ST6GALNAC2: variants seen among roughly 807,000 people sequenced by gnomAD.
ST6GALNAC2 encodes ST6 N-acetylgalactosaminide alpha-2,6-sialyltransferase 2, also known as alpha-N-acetylgalactosaminide alpha-2,6-sialyltransferase 2.
A neutral mutation model predicts 38.7 loss-of-function variants in ST6GALNAC2; 42 were observed. The observed-to-expected ratio is 1.09, with a 90% CI of 0.85 to 1.40. The LOEUF (loss-of-function observed/expected upper bound fraction) is 1.40, where lower values mean the gene tolerates loss of function less well. ST6GALNAC2 is among the 40% of genes most tolerant of loss of function. ST6GALNAC2 has a pLI of 0.00. For missense variants in ST6GALNAC2, 506 were observed against 481.7 expected, an observed-to-expected ratio of 1.05 and a Z score of -0.47; for synonymous variants, 233 against 209.0, an observed-to-expected ratio of 1.11 and a Z score of -0.99.
intron 1 of ST6GALNAC2, 73 bp downstream of exon 1, chr17:76,585,611 G>A: frequency 7.0e-7 from 1 of 1,422,662 alleles, no homozygotes; most frequent in Non-Finnish European, 9.1e-7. Flanking sequence ...CCGCCGGGGA[G>A]CCCTGGGCTG....
Position 76,585,853 on chromosome 17 carries a change from G to A in ST6GALNAC2, c.-45C>T. On this transcript the variant is annotated 5_prime_UTR_variant, in exon 1 of 9. Coordinates refer to ENST00000225276, the MANE Select transcript of ST6GALNAC2 (RefSeq NM_006456.3). The stretch of plus-strand genomic sequence containing the variant: ...GCCCCGTCCGCTGACGTCCCAGGCA[G>A]AAGGGAGAGAACCGGGTGGGCCGGG... The A allele has an allele frequency of 6.6e-7, 1 of 1,506,756 alleles. No homozygotes were observed. The highest frequency in any genetic ancestry group is 8.8e-7 in the Non-Finnish European group (1 of 1,130,844). The allele number at this position is 1,506,756 out of a possible 1,614,324, so 93.3% of individuals were successfully genotyped here. A position where few individuals can be genotyped will look rare whatever the true frequency, so the allele number is the denominator to read the frequency against.
intron 1 of ST6GALNAC2, chr17:76,581,142 G>A (rs9890158): frequency 0.75 from 114,395 of 152,086 alleles, 43,326 homozygotes; most frequent in East Asian, 0.84. Context: ...CCTCCCTTTG[G>A]TTTCCAGGTT....
chr17:76,578,880 G>T, intron 1 of ST6GALNAC2, 64 bp from the exon 2 acceptor site: 7 of 1,466,390 alleles, frequency 4.8e-6, no homozygotes, highest in South Asian at 2.4e-5. Flanking sequence ...GAAGCTTTTG[G>T]ACTGACCGAC....
chr17:76,572,744 G>A lies in ST6GALNAC2; in HGVS notation c.562C>T (p.Arg188Cys), dbSNP rs1436388081. Residue 188 changes from arginine (R) to cysteine (C), a missense_variant, in exon 5 of 9, where the codon CGC (arginine) becomes TGC (cysteine). Coordinates refer to ENST00000225276, the MANE Select transcript of ST6GALNAC2 (RefSeq NM_006456.3). ...LNGAVIKGFE[R>C]DVGTKTSFYG... ...AAGGAAGTCTTGGTGCCCACATCGC[G>A]CTCGAAGCCTTTGATCACAGCTCCA... 13 of 1,614,140 alleles carry A rather than the reference G, an allele frequency of 8.1e-6. No homozygotes were observed. The highest frequency in any genetic ancestry group is 6.7e-5 in the East Asian group (3 of 44,886).
At chr17:76,585,451 G>A (rs1055251576) in intron 1 of ST6GALNAC2, among the ~76,000 whole-genome samples, 1 of 152,248 alleles carries the variant, frequency 6.6e-6, no homozygotes, top group Non-Finnish European at 1.5e-5. Flanking sequence ...CAGGGGCGAG[G>A]TCTTCCTTGG....
Position 76,565,408 on chromosome 17 carries a change from T to TCATCCTGTTGGTGA in ST6GALNAC2, c.*682_*695dup, listed in dbSNP as rs2075265992. 6.6e-6 allele frequency: 1 copy of TCATCCTGTTGGTGA among 152,158 alleles called. No individual in the cohort carries two copies. Among genetic ancestry groups the TCATCCTGTTGGTGA allele is most frequent in the African/African-American group, 2.4e-5 (1 of 41,414 alleles). The allele number at this position is 152,158 out of a possible 1,614,324, so 9.4% of individuals were successfully genotyped here. On this transcript the variant is annotated 3_prime_UTR_variant, in exon 9 of 9. Coordinates refer to ENST00000225276, the MANE Select transcript of ST6GALNAC2 (RefSeq NM_006456.3). Reference sequence around the variant, plus strand: ...GATGAAGGTTTATTACCTGGTGACATCATCCTGTTGGTGACAAGGTGGTGA... The same window carrying TCATCCTGTTGGTGA: ...GATGAAGGTTTATTACCTGGTGACATCATCCTGTTGGTGACATCCTGTTGGTGACAAGGTGGTGA...
rs186644390 is a variant in ST6GALNAC2 at position 76,581,534 on chromosome 17, G to T, written c.126-2718C>A. On this transcript the variant is annotated intron_variant, in intron 1 of 8. Transcript: ENST00000225276. ...GGGACAGGGCAGAGTTGAGACGGGT[G>T]GGGGACAGGGGTAGAGCTGTAAAGG... is the stretch of plus-strand genomic sequence containing the variant. Among the ~76,000 whole-genome samples the T allele has an allele frequency of 9.8e-4, 149 of 152,282 alleles. 1 individual carries two copies. Among genetic ancestry groups the T allele is most frequent in the Middle Eastern group, 3.4e-3 (1 of 294 alleles).
intron 1 of ST6GALNAC2, among the ~76,000 whole-genome samples, chr17:76,580,103 C>G (rs1013088991): frequency 5.3e-5 from 8 of 152,126 alleles, no homozygotes; most frequent in Non-Finnish European, 7.3e-5. Flanking sequence ...CAAACAGAGA[C>G]TGTATGTTAG....
Position 76,573,159 on chromosome 17 carries a change from T to TACCCCCCCC in ST6GALNAC2, c.530+35_530+36insGGGGGGGGT. On this transcript the variant is annotated intron_variant, in intron 4 of 8. Coordinates refer to ENST00000225276, the MANE Select transcript of ST6GALNAC2 (RefSeq NM_006456.3). The surrounding 1 kb of genome is among the most constrained non-coding windows in gnomAD (Gnocchi z 5.1). The stretch of plus-strand genomic sequence containing the variant: ...GACACCCCCACCCTCCAGGCAACTC[T>TACCCCCCCC]CCCTCCCGCCCCTCCCCAGCTCCTA... The TACCCCCCCC allele has an allele frequency of 1.3e-6, 2 of 1,530,322 alleles. No homozygotes were observed. The highest frequency in any genetic ancestry group is 1.8e-6 in the Non-Finnish European group (2 of 1,120,830). 94.8% of individuals were successfully genotyped at this position (1,530,322 alleles called of 1,614,324 possible).
rs757309310 is a variant in ST6GALNAC2 at position 76,568,812 on chromosome 17, G to A, written c.774-16C>T. ...GGCGTGCGGCCTAGGACCCATGATAGAAGTGGACAGAGCGCCCAGAGCCGT... is the reference window on the plus strand; with the variant it reads ...GGCGTGCGGCCTAGGACCCATGATAAAAGTGGACAGAGCGCCCAGAGCCGT... On this transcript the variant is annotated splice_polypyrimidine_tract_variant and intron_variant, in intron 6 of 8. Coordinates refer to ENST00000225276, the MANE Select transcript of ST6GALNAC2 (RefSeq NM_006456.3). 5.6e-6 allele frequency: 9 copies of A among 1,612,566 alleles called. No individual in the cohort carries two copies. In the South Asian group the frequency reaches 9.9e-5, roughly 18 times the overall value.
In ST6GALNAC2 at chr17:76,566,090, T is replaced by C. The variant is rs1453874830; in HGVS notation, c.*14A>G. On this transcript the variant is annotated 3_prime_UTR_variant, in exon 9 of 9. Coordinates refer to ENST00000225276, the MANE Select transcript of ST6GALNAC2 (RefSeq NM_006456.3). ...CGCAACTCTTGAAGAAGCAAAGGGC[T>C]CAGTGCATTGGGGTCAGCGCTGGTA... 6 of 1,607,940 alleles carry C rather than the reference T, an allele frequency of 3.7e-6. No individual in the cohort carries two copies. Among genetic ancestry groups the C allele is most frequent in the Non-Finnish European group, 5.1e-6 (6 of 1,176,874 alleles).
chr17:76,573,159 T>TCCCACC lies in ST6GALNAC2; in HGVS notation c.530+35_530+36insGGTGGG. On this transcript the variant is annotated intron_variant, in intron 4 of 8. Coordinates refer to ENST00000225276, the MANE Select transcript of ST6GALNAC2 (RefSeq NM_006456.3). This position sits in a 1 kb window ranked among gnomAD's most constrained non-coding sequence, Gnocchi z 5.1. ...GACACCCCCACCCTCCAGGCAACTC[T>TCCCACC]CCCTCCCGCCCCTCCCCAGCTCCTA... is the stretch of plus-strand genomic sequence containing the variant. 2.0e-6 allele frequency: 3 copies of TCCCACC among 1,530,318 alleles called. No individual in the cohort carries two copies. Among genetic ancestry groups the TCCCACC allele is most frequent in the South Asian group, 1.2e-5 (1 of 83,634 alleles). The allele number at this position is 1,530,318 out of a possible 1,614,324, so 94.8% of individuals were successfully genotyped here. A position where few individuals can be genotyped will look rare whatever the true frequency, so the allele number is the denominator to read the frequency against.
intron 1 of ST6GALNAC2, among the ~76,000 whole-genome samples, chr17:76,584,576 A>C (rs1018955770): frequency 2.6e-5 from 4 of 152,214 alleles, no homozygotes; most frequent in African/African-American, 9.6e-5. Flanking sequence ...TCCTGGCCTC[A>C]AGCTATCCTC....
chr17:76,571,028 G>A (rs956208910), intron 5 of ST6GALNAC2: 5 of 192,062 alleles, frequency 2.6e-5, no homozygotes, highest in African/African-American at 1.2e-4. Context: ...GAAGTTAGCT[G>A]CCATGTCGTG....
intron 6 of ST6GALNAC2, chr17:76,570,238 T>C: frequency 7.0e-6 from 2 of 286,006 alleles, no homozygotes; most frequent in Non-Finnish European, 1.3e-5. Context: ...GCGGCTGGGC[T>C]GGGCAGGGAG....
chr17:76,574,269 AC>A (rs1181113599), intron 3 of ST6GALNAC2, 95 bp downstream of exon 3: 10 of 1,409,104 alleles, frequency 7.1e-6, no homozygotes, highest in Non-Finnish European at 9.7e-6. Flanking sequence ...ACCTGGCATC[AC>A]CAGTGCTATG....
chr17:76,573,108 T>C lies in ST6GALNAC2; in HGVS notation c.530+87A>G. On this transcript the variant is annotated intron_variant, in intron 4 of 8. Coordinates refer to ENST00000225276, the MANE Select transcript of ST6GALNAC2 (RefSeq NM_006456.3). The surrounding 1 kb of genome is among the most constrained non-coding windows in gnomAD (Gnocchi z 5.1). Reference sequence around the variant, plus strand: ...ACTGCTGAGCCGCCCAGGCCACTGCTGCCATAGCCCACTGCCCCTGGGGGA... The same window carrying C: ...ACTGCTGAGCCGCCCAGGCCACTGCCGCCATAGCCCACTGCCCCTGGGGGA... 1 of 1,411,968 alleles carries C rather than the reference T, an allele frequency of 7.1e-7. No homozygotes were observed. Among genetic ancestry groups the C allele is most frequent in the Non-Finnish European group, 9.6e-7 (1 of 1,044,744 alleles). The allele number at this position is 1,411,968 out of a possible 1,614,324, so 87.5% of individuals were successfully genotyped here. A position where few individuals can be genotyped will look rare whatever the true frequency, so the allele number is the denominator to read the frequency against.
chr17:76,569,008 G>A (rs2075320378), intron 6 of ST6GALNAC2: 5 of 573,628 alleles, frequency 8.7e-6, no homozygotes, highest in South Asian at 2.1e-5. Context: ...CTCCACGGGC[G>A]GGGTGTAGGA....
At chr17:76,577,361 G>A (rs537844457) in intron 2 of ST6GALNAC2, among the ~76,000 whole-genome samples, 10 of 152,016 alleles carry the variant, frequency 6.6e-5, no homozygotes, top group South Asian at 2.1e-4. Context: ...GAGCCACTGC[G>A]CCTGGCCGTT....
Sources: allele counts gnomAD v4.1 joint callset (sites outside exome capture counted in the v4.1 genomes callset), GRCh38; gene constraint gnomAD v4.1.1; non-coding constraint Gnocchi (gnomAD v3.1); transcripts MANE v1.5; gene names NCBI Gene and HGNC (gene_info 2026-07-23, HGNC 2026-07-21).